WASHC5: variants seen among roughly 807,000 people sequenced by gnomAD.
WASHC5 encodes WASH complex subunit strumpellin.
A neutral mutation model predicts 150.4 loss-of-function variants in WASHC5; 101 were observed. That is an observed-to-expected ratio of 0.67 (90% CI 0.57 to 0.79). The LOEUF is 0.79. WASHC5 is among the 30% of genes least tolerant of loss of function. The pLI is 0.00. For synonymous variants in WASHC5, 467 were observed against 491.2 expected (o/e 0.95, Z 0.65); for missense variants, 1,195 against 1,396.3 (o/e 0.86, Z 2.30).
chr8:125,045,103 A>C (rs1418372599), intron 20 of WASHC5: 1 of 209,286 alleles, frequency 4.8e-6, no homozygotes, highest in African/African-American at 2.3e-5. Flanking sequence ...TTTCCATTTG[A>C]TAAAAAAGGA....
rs1815744904 is a variant in WASHC5, at chr8:125,037,352, GA to G, written c.3085-20del. ...TGTATATCTGGAAAGAGAAAGGTAA[GA>G]AAAATAGATGGTTAAATCACATTGC... On this transcript the variant is annotated intron_variant, in intron 25 of 28. Transcript: ENST00000318410. 7.2e-7 allele frequency: 1 copy of G among 1,386,454 alleles called. No homozygotes were observed. The highest frequency in any genetic ancestry group is 2.3e-5 in the East Asian group (1 of 43,708). The allele number at this position is 1,386,454 out of a possible 1,614,324, so 85.9% of individuals were successfully genotyped here.
At chr8:125,061,708 T>A (rs944791352) in intron 11 of WASHC5, among the ~76,000 whole-genome samples, 35 of 152,156 alleles carry the variant, frequency 2.3e-4, no homozygotes, top group African/African-American at 8.4e-4. Context: ...GTCTGAACAA[T>A]GCAGGGGGTG....
chr8:125,079,142 A>AT (rs1554597113), intron 5 of WASHC5, among the ~76,000 whole-genome samples: 7 of 108,208 alleles, frequency 6.5e-5, no homozygotes, highest in East Asian at 2.4e-4. Flanking sequence ...ATATATATAC[A>AT]TTTTTTTTTG....
At chr8:125,047,481 A>AG in intron 19 of WASHC5, 150 bp from the exon 20 acceptor site, 1 of 731,926 alleles carries the variant, frequency 1.4e-6, no homozygotes, top group Non-Finnish European at 2.2e-6. Flanking sequence ...TCTGTCCCCC[A>AG]GGCTGGAGTG....
intron 23 of WASHC5, among the ~76,000 whole-genome samples, chr8:125,040,372 T>A (rs559297802): frequency 4.6e-5 from 7 of 152,328 alleles, no homozygotes; most frequent in African/African-American, 1.7e-4. Flanking sequence ...TCCATGCCAC[T>A]CAGGATTATA....
At chr8:125,060,220 CT>C (rs1362827857) in intron 12 of WASHC5, among the ~76,000 whole-genome samples, 2 of 151,948 alleles carry the variant, frequency 1.3e-5, no homozygotes, top group African/African-American at 4.9e-5. Context: ...GGCACGGTGG[CT>C]CATGCCTGTA....
At chr8:125,053,544 A>C (rs1816312486) in intron 17 of WASHC5, among the ~76,000 whole-genome samples, 1 of 152,170 alleles carries the variant, frequency 6.6e-6, no homozygotes, top group African/African-American at 2.4e-5. Context: ...TACATTCTCT[A>C]CACATCAATT....
chr8:125,039,370 C>T (rs1198406235), intron 24 of WASHC5, among the ~76,000 whole-genome samples: 2 of 152,188 alleles, frequency 1.3e-5, no homozygotes, highest in African/African-American at 2.4e-5. Flanking sequence ...TCTTGGTAAT[C>T]AACACACTTC....
rs183270313 is a variant in WASHC5 at position 125,074,316 on chromosome 8, T to C, written c.978+682A>G. Among the ~76,000 whole-genome samples the C allele has an allele frequency of 1.5e-4, 23 of 152,356 alleles. 1 individual carries two copies. Among genetic ancestry groups the C allele is most frequent in the Non-Finnish European group, 1.5e-5 (1 of 68,028 alleles). ...CATTGAAATTATTTTGTGCATTATTTATGGAATTCAATTTACTTGAATAAA... is the reference window on the plus strand; with the variant it reads ...CATTGAAATTATTTTGTGCATTATTCATGGAATTCAATTTACTTGAATAAA... On this transcript the variant is annotated intron_variant, in intron 8 of 28. Coordinates refer to ENST00000318410, the MANE Select transcript of WASHC5 (RefSeq NM_014846.4).
intron 12 of WASHC5, among the ~76,000 whole-genome samples, chr8:125,060,194 A>G (rs1251205655): frequency 6.6e-6 from 1 of 152,328 alleles, no homozygotes; most frequent in Non-Finnish European, 1.5e-5. Context: ...GATGTTTTAA[A>G]TAATAGAGTT....
intron 5 of WASHC5, 79 bp from the exon 6 acceptor site, chr8:125,079,009 C>T: frequency 2.5e-6 from 3 of 1,183,800 alleles, no homozygotes; most frequent in South Asian, 1.2e-5. Flanking sequence ...AGTAGAATTC[C>T]ATTCTACTTT....
At chr8:125,034,368 G>C (rs1370609455) in intron 26 of WASHC5, among the ~76,000 whole-genome samples, 2 of 152,056 alleles carry the variant, frequency 1.3e-5, no homozygotes, top group East Asian at 3.9e-4. Flanking sequence ...GCATGGTGAT[G>C]CATGCTTGTA....
At chr8:125,067,213 C>G (rs1816766495) in intron 10 of WASHC5, among the ~76,000 whole-genome samples, 2 of 152,140 alleles carry the variant, frequency 1.3e-5, no homozygotes, top group South Asian at 4.1e-4. Flanking sequence ...TGAGGTTTCA[C>G]CAGCCTGCTG....
intron 28 of WASHC5, among the ~76,000 whole-genome samples, chr8:125,027,853 T>C (rs1276012328): frequency 1.3e-5 from 2 of 152,234 alleles, no homozygotes; most frequent in Non-Finnish European, 2.9e-5. Context: ...TCATTTCATT[T>C]CTTATTGTCT....
At chr8:125,090,902 G>A (rs1817598625) in intron 1 of WASHC5, among the ~76,000 whole-genome samples, 1 of 152,206 alleles carries the variant, frequency 6.6e-6, no homozygotes, top group Non-Finnish European at 1.5e-5. Flanking sequence ...CTGAAATGAG[G>A]CTGAACCTGA....
intron 10 of WASHC5, among the ~76,000 whole-genome samples, chr8:125,065,034 T>A (rs1266372579): frequency 2.0e-5 from 3 of 152,196 alleles, no homozygotes; most frequent in Non-Finnish European, 4.4e-5. Context: ...GAAGCCTTCG[T>A]AAGAGACTAC....
In WASHC5 at chr8:125,056,818, C is replaced by G; in HGVS notation, c.1876-1G>C. The G allele has an allele frequency of 6.2e-7, 1 of 1,614,096 alleles. No individual in the cohort carries two copies. The highest frequency in any genetic ancestry group is 8.5e-7 in the Non-Finnish European group (1 of 1,180,000). ...TGCTTTCTGGGATGATCTGCAAAACCTTCAGTGAAAAGGAAAGCAGGAAAC... is the reference window on the plus strand; with the variant it reads ...TGCTTTCTGGGATGATCTGCAAAACGTTCAGTGAAAAGGAAAGCAGGAAAC... On this transcript the variant is annotated splice_acceptor_variant, in intron 15 of 28. Transcript: ENST00000318410. LOFTEE classifies it high-confidence loss of function.
chr8:125,043,923 A>G lies in WASHC5; in HGVS notation c.2771-19T>C, dbSNP rs377646434. ...GAATTTGCTGAAAAGTTAAAACATA[A>G]TTTTCTCTTTAGTACATTCGTAAAG... On this transcript the variant is annotated intron_variant, in intron 22 of 28. Coordinates refer to ENST00000318410, the MANE Select transcript of WASHC5 (RefSeq NM_014846.4). The G allele has an allele frequency of 1.2e-6, 2 of 1,604,934 alleles. No individual in the cohort carries two copies. The highest frequency in any genetic ancestry group is 1.7e-6 in the Non-Finnish European group (2 of 1,172,138).
At chr8:125,053,013 T>A (rs1304098418) in intron 17 of WASHC5, among the ~76,000 whole-genome samples, 1 of 152,136 alleles carries the variant, frequency 6.6e-6, no homozygotes, top group African/African-American at 2.4e-5. Flanking sequence ...GAATATCTCA[T>A]GTAATTTATT....
Sources: allele counts gnomAD v4.1 joint callset (sites outside exome capture counted in the v4.1 genomes callset), GRCh38; gene constraint gnomAD v4.1.1; transcripts MANE v1.5; gene names NCBI Gene and HGNC (gene_info 2026-07-23, HGNC 2026-07-21).